Variants in PI15 observed in about 807,000 individuals in gnomAD.
The protein encoded by PI15 is 25 kDa trypsin inhibitor.
In PI15, 18 loss-of-function variants were observed where a neutral mutation model predicts 31.0. That is an observed-to-expected ratio of 0.58 (90% CI 0.40 to 0.86). The LOEUF (loss-of-function observed/expected upper bound fraction) is 0.86. Ranked by LOEUF, PI15 falls within the 40% of genes least tolerant of loss-of-function variation. The pLI, the probability that PI15 is intolerant of heterozygous loss-of-function variation, is 0.00. For missense variants in PI15, 282 were observed against 328.1 expected (o/e 0.86, Z 1.09); for synonymous variants, 118 against 119.1 (o/e 0.99, Z 0.06).
chr8:74,848,509 T>C (rs886775005), intron 5 of PI15, among the ~76,000 whole-genome samples: 8 of 151,568 alleles, frequency 5.3e-5, no homozygotes, highest in African/African-American at 1.7e-4. Flanking sequence ...AGCATTAGTG[T>C]GAGTTTAAAA....
intron 3 of PI15, among the ~76,000 whole-genome samples, chr8:74,844,304 C>T (rs1046419027): frequency 6.6e-6 from 1 of 152,114 alleles, no homozygotes; most frequent in African/African-American, 2.4e-5. Context: ...CCCCTTTTCA[C>T]CCTTGGAACA....
rs372025638 is a variant in PI15, at chr8:74,829,174, G to C, written c.273+3652G>C. 5.3e-5 allele frequency among the ~76,000 whole-genome samples: 8 copies of C among 152,044 alleles called. No individual in the cohort carries two copies. In the East Asian group the frequency reaches 1.4e-3, roughly 26 times the overall value. On this transcript the variant is annotated intron_variant, in intron 2 of 5. Coordinates refer to ENST00000260113, the MANE Select transcript of PI15 (RefSeq NM_015886.5). ...AATTTAGATGAAATCCTTGTGAATT[G>C]TTATGTGTTTATAATTAGCATTAAT...
At position 74,853,748 on chromosome 8, in the gene PI15, A is replaced by G. The variant is rs976043166; in HGVS notation, c.*4495A>G. ...GTTTGATAATATTAACATGTATCTA[A>G]GAGGAAAAAAGAGTTAATATATTCT... On this transcript the variant is annotated 3_prime_UTR_variant, in exon 6 of 6. Transcript: ENST00000260113. 3 of 152,402 alleles carry G rather than the reference A, an allele frequency of 2.0e-5. No homozygotes were observed. The highest frequency in any genetic ancestry group is 4.4e-5 in the Non-Finnish European group (3 of 67,932). The allele number at this position is 152,402 out of a possible 1,614,324, so 9.4% of individuals were successfully genotyped here. A position where few individuals can be genotyped will look rare whatever the true frequency, so the allele number is the denominator to read the frequency against.
At chr8:74,849,061 T>A in intron 5 of PI15, 57 bp from the exon 6 acceptor site, 1 of 1,523,402 alleles carries the variant, frequency 6.6e-7, no homozygotes, top group Non-Finnish European at 9.0e-7. Flanking sequence ...AAGGACAATC[T>A]ACTTTTAAAA....
chr8:74,845,128 A>C lies in PI15; in HGVS notation c.393A>C (p.Arg131Ser), dbSNP rs202024420. The change falls in exon 4 of 6, where the codon AGA (arginine) becomes AGC (serine). Residue 131 changes from arginine (R) to serine (S), a missense_variant and splice_region_variant. Coordinates refer to ENST00000260113, the MANE Select transcript of PI15 (RefSeq NM_015886.5). Reference protein sequence around the residue: ...LGQNLSVRTGRYRSILQLVKP... With the variant: ...LGQNLSVRTGSYRSILQLVKP... ...ATTTCTTTCTTTTCTTTATATGCAG[A>C]TATCGCTCTATTCTCCAGTTGGTCA... 6.2e-7 allele frequency: 1 copy of C among 1,611,706 alleles called. No individual in the cohort carries two copies. The highest frequency in any genetic ancestry group is 8.5e-7 in the Non-Finnish European group (1 of 1,177,824).
chr8:74,834,875 GA>G (rs1810838931), intron 2 of PI15, among the ~76,000 whole-genome samples: 1 of 50,858 alleles, frequency 2.0e-5, no homozygotes, highest in Admixed American at 1.3e-4. Flanking sequence ...TTCTCCTGAT[GA>G]TTCACATTCT....
chr8:74,843,629 G>A (rs560854802), intron 2 of PI15, among the ~76,000 whole-genome samples: 8 of 152,182 alleles, frequency 5.3e-5, no homozygotes, highest in East Asian at 3.9e-4. Flanking sequence ...TTTGGGAGGC[G>A]GAGGCGGGTG....
chr8:74,847,229 T>C (rs967928235), intron 5 of PI15, among the ~76,000 whole-genome samples: 1 of 152,088 alleles, frequency 6.6e-6, no homozygotes, highest in Non-Finnish European at 1.5e-5. Context: ...GTGGATCACC[T>C]GAGGTCAGGA....
Position 74,854,551 on chromosome 8 carries a change from G to C in PI15, c.*5298G>C, listed in dbSNP as rs1811153746. The C allele has an allele frequency of 6.6e-6, 1 of 151,916 alleles. No homozygotes were observed. Among genetic ancestry groups the C allele is most frequent in the African/African-American group, 2.4e-5 (1 of 41,404 alleles). The allele number at this position is 151,916 out of a possible 1,614,324, so 9.4% of individuals were successfully genotyped here. A position where few individuals can be genotyped will look rare whatever the true frequency, so the allele number is the denominator to read the frequency against. On this transcript the variant is annotated 3_prime_UTR_variant, in exon 6 of 6. Transcript: ENST00000260113. ...CAGCTAATAAAAAAAAAATTTGAGGGCCTAAATTATTTCAATGGTTGTTTG... is the reference window on the plus strand; with the variant it reads ...CAGCTAATAAAAAAAAAATTTGAGGCCCTAAATTATTTCAATGGTTGTTTG...
chr8:74,848,689 T>C (rs1811058468), intron 5 of PI15, among the ~76,000 whole-genome samples: 1 of 147,378 alleles, frequency 6.8e-6, no homozygotes, highest in Non-Finnish European at 1.5e-5. Context: ...ACTAAGAATA[T>C]ATAAATATAT....
At chr8:74,842,538 T>G (rs1001861121) in intron 2 of PI15, among the ~76,000 whole-genome samples, 2 of 152,200 alleles carry the variant, frequency 1.3e-5, no homozygotes, top group Admixed American at 6.5e-5. Context: ...TTTTTAAACT[T>G]CTTTTTCTAT....
chr8:74,835,800 C>T (rs1437076045), intron 2 of PI15, among the ~76,000 whole-genome samples: 2 of 152,166 alleles, frequency 1.3e-5, no homozygotes, highest in East Asian at 3.9e-4. Context: ...AGACTTAGAG[C>T]ACTGGAAATT....
In PI15 at chr8:74,851,521, TATC is replaced by T. The variant is rs1457276834; in HGVS notation, c.*2271_*2273del. On this transcript the variant is annotated 3_prime_UTR_variant, in exon 6 of 6. Coordinates refer to ENST00000260113, the MANE Select transcript of PI15 (RefSeq NM_015886.5). The stretch of plus-strand genomic sequence containing the variant: ...AATAAAAATTTATGAATATTAAAAT[TATC>T]ATTAATAATATAAAACACTTATTTG... 1 of 152,018 alleles carries T rather than the reference TATC, an allele frequency of 6.6e-6. No homozygotes were observed. The highest frequency in any genetic ancestry group is 1.5e-5 in the Non-Finnish European group (1 of 67,926). The allele number at this position is 152,018 out of a possible 1,614,324, so 9.4% of individuals were successfully genotyped here.
intron 2 of PI15, chr8:74,826,187 T>C (rs1341515084): frequency 3.7e-6 from 1 of 271,784 alleles, no homozygotes; most frequent in Admixed American, 6.5e-5. Flanking sequence ...TAAATCATTT[T>C]ACTTAGAAAG....
At chr8:74,845,974 A>C (rs1811019511) in intron 5 of PI15, 1 of 155,148 alleles carries the variant, frequency 6.4e-6, no homozygotes, top group South Asian at 1.9e-4. Context: ...TATAAAATGG[A>C]TTATGGAAAT....
At position 74,849,257 on chromosome 8, in the gene PI15, T is replaced by C. The variant is rs1244361327; in HGVS notation, c.*4T>C. 3.1e-6 allele frequency: 5 copies of C among 1,607,618 alleles called. No individual in the cohort carries two copies. Among genetic ancestry groups the C allele is most frequent in the Non-Finnish European group, 3.4e-6 (4 of 1,175,742 alleles). ...CTACCTGTACTGGTTTAAATAAGTTTACCTTTTCCTCCAGGAAATATAATG... is the reference window on the plus strand; with the variant it reads ...CTACCTGTACTGGTTTAAATAAGTTCACCTTTTCCTCCAGGAAATATAATG... On this transcript the variant is annotated 3_prime_UTR_variant, in exon 6 of 6. Transcript: ENST00000260113.
chr8:74,830,293 A>T (rs1810763249), intron 2 of PI15, among the ~76,000 whole-genome samples: 1 of 152,130 alleles, frequency 6.6e-6, no homozygotes, highest in Non-Finnish European at 1.5e-5. Context: ...AAAACTGAAA[A>T]AAAAAAGTGT....
chr8:74,847,692 G>T (rs1333357212), intron 5 of PI15, among the ~76,000 whole-genome samples: 1 of 152,134 alleles, frequency 6.6e-6, no homozygotes, highest in African/African-American at 2.4e-5. Flanking sequence ...TTTAAGGATA[G>T]ATTTTCCTGT....
At chr8:74,835,241 C>A in intron 2 of PI15, among the ~76,000 whole-genome samples, 1 of 151,974 alleles carries the variant, frequency 6.6e-6, no homozygotes, top group East Asian at 1.9e-4. Flanking sequence ...AAGTTTCATA[C>A]AATTCTCACG....
Sources: allele counts gnomAD v4.1 joint callset (sites outside exome capture counted in the v4.1 genomes callset), GRCh38; gene constraint gnomAD v4.1.1; transcripts MANE v1.5; gene names NCBI Gene and HGNC (gene_info 2026-07-23, HGNC 2026-07-21).